The following ERC1 variants were observed in gnomAD, a reference collection of about 807,000 sequenced individuals.
ERC1 encodes RAB6 interacting protein 2.
A neutral mutation model predicts 132.0 loss-of-function variants in ERC1; 56 were observed. The observed-to-expected ratio is 0.42, with a 90% CI of 0.34 to 0.53. The LOEUF (loss-of-function observed/expected upper bound fraction) is 0.53. ERC1 is among the 20% of genes least tolerant of loss of function. ERC1 has a pLI of 0.03. For missense variants in ERC1, 1,202 were observed against 1,349.9 expected (o/e 0.89, Z 1.72); for synonymous variants, 478 against 476.1 (o/e 1.00, Z -0.05).
chr12:1,400,177 C>T (rs2154386803), intron 16 of ERC1, among the ~76,000 whole-genome samples: 1 of 152,286 alleles, frequency 6.6e-6, no homozygotes, highest in South Asian at 2.1e-4. Context: ...ACGCATTTCC[C>T]TATTGGTGTT....
At chr12:1,394,612 T>A (rs1293483804) in intron 16 of ERC1, among the ~76,000 whole-genome samples, 1 of 152,082 alleles carries the variant, frequency 6.6e-6, no homozygotes, top group East Asian at 1.9e-4. Flanking sequence ...TGATAGTGAG[T>A]GAGTTCTCTT....
intron 14 of ERC1, among the ~76,000 whole-genome samples, chr12:1,277,426 C>T (rs756533212): frequency 2.5e-4 from 38 of 152,248 alleles, no homozygotes; most frequent in Non-Finnish European, 4.4e-4. Flanking sequence ...TCATCTTTCC[C>T]GGACTTGGAA....
intron 10 of ERC1, 87 bp from the exon 11 acceptor site, chr12:1,183,194 A>G: frequency 1.2e-6 from 1 of 846,382 alleles, no homozygotes; most frequent in Non-Finnish European, 1.7e-6. Context: ...AATAGAAAGG[A>G]AATTACAGCT....
At chr12:1,095,263 C>T (rs1200821192) in intron 3 of ERC1, among the ~76,000 whole-genome samples, 2 of 151,938 alleles carry the variant, frequency 1.3e-5, no homozygotes, top group Non-Finnish European at 2.9e-5. Context: ...AATGCCGTCT[C>T]TACTAAAAAT....
Position 1,083,267 on chromosome 12 carries a change from G to GTGT in ERC1, c.774_776dup (p.Val259dup), listed in dbSNP as rs1942491855. On this transcript the variant is annotated inframe_insertion, in exon 3 of 19. Coordinates refer to ENST00000360905, the MANE Select transcript of ERC1 (RefSeq NM_178040.4). ...AGTAGCAGCAGGACTGGCGAACCTT[G>GTGT]TGTAGCAGAGCTGACAGAGGAGAAC... is the stretch of plus-strand genomic sequence containing the variant. 4 of 1,614,110 alleles carry GTGT rather than the reference G, an allele frequency of 2.5e-6. No homozygotes were observed. Among genetic ancestry groups the GTGT allele is most frequent in the Non-Finnish European group, 3.4e-6 (4 of 1,180,050 alleles).
chr12:1,068,730 T>C (rs918241235), intron 2 of ERC1, among the ~76,000 whole-genome samples: 2 of 152,244 alleles, frequency 1.3e-5, no homozygotes, highest in African/African-American at 2.4e-5. Flanking sequence ...CGATTGCTTA[T>C]CAATTTGGTT....
At chr12:1,393,630 G>A (rs1230734454) in intron 16 of ERC1, among the ~76,000 whole-genome samples, 3 of 150,918 alleles carry the variant, frequency 2.0e-5, no homozygotes, top group Non-Finnish European at 4.4e-5. Flanking sequence ...GTGTGTGTGT[G>A]TGTGTGTGTG....
intron 14 of ERC1, among the ~76,000 whole-genome samples, chr12:1,285,863 C>T (rs576984432): frequency 7.9e-5 from 12 of 152,264 alleles, no homozygotes; most frequent in African/African-American, 2.6e-4. Flanking sequence ...TTAGGCCTGT[C>T]TCAATCCTGA....
chr12:1,254,049 G>A (rs1436156308), intron 13 of ERC1, among the ~76,000 whole-genome samples: 1 of 152,170 alleles, frequency 6.6e-6, no homozygotes, highest in Non-Finnish European at 1.5e-5. Context: ...TGTGAGGCTG[G>A]CAAAAGTAGG....
chr12:1,373,199 C>T (rs534772734), intron 16 of ERC1, among the ~76,000 whole-genome samples: 1 of 152,280 alleles, frequency 6.6e-6, no homozygotes, highest in African/African-American at 2.4e-5. Context: ...GAAAGACATC[C>T]GTCCAGTAGT....
chr12:1,335,384 T>C (rs1490776325), intron 15 of ERC1, among the ~76,000 whole-genome samples: 2 of 152,222 alleles, frequency 1.3e-5, no homozygotes, highest in Non-Finnish European at 2.9e-5. Flanking sequence ...GTGGCTCTTA[T>C]TATTTTGAGG....
At chr12:1,372,069 TGTTTC>T in intron 16 of ERC1, 92 bp downstream of exon 16, 1 of 1,395,548 alleles carries the variant, frequency 7.2e-7, no homozygotes, top group Non-Finnish European at 9.5e-7. Context: ...TAAGGTCTCA[TGTTTC>T]ATATTAGACA....
intron 2 of ERC1, among the ~76,000 whole-genome samples, chr12:1,071,287 G>C (rs924577138): frequency 6.6e-6 from 1 of 152,218 alleles, no homozygotes; most frequent in African/African-American, 2.4e-5. Flanking sequence ...GCAGTTTTCA[G>C]TGTTGCTTCT....
intron 16 of ERC1, among the ~76,000 whole-genome samples, chr12:1,383,784 G>GAA (rs2088993508): frequency 6.6e-6 from 1 of 152,188 alleles, no homozygotes; most frequent in African/African-American, 2.4e-5. Context: ...TGACTTTCTG[G>GAA]AAAACAGTAT....
At chr12:1,423,026 A>C (rs2092484519) in intron 17 of ERC1, among the ~76,000 whole-genome samples, 1 of 152,216 alleles carries the variant, frequency 6.6e-6, no homozygotes, top group African/African-American at 2.4e-5. Flanking sequence ...AGGCTAAGGC[A>C]GCTCCAATGC....
intron 2 of ERC1, among the ~76,000 whole-genome samples, chr12:1,067,926 CTTTT>C (rs71441641): frequency 5.0e-5 from 6 of 120,942 alleles, no homozygotes; most frequent in Non-Finnish European, 5.0e-5. Flanking sequence ...TTAGCCACTG[CTTTT>C]TTTTTTTTTT....
intron 14 of ERC1, among the ~76,000 whole-genome samples, chr12:1,282,245 T>C (rs371959924): frequency 2.0e-5 from 3 of 152,092 alleles, no homozygotes; most frequent in African/African-American, 7.2e-5. Flanking sequence ...ACTACTCAGC[T>C]TGGAATCCTA....
At position 1,479,447 on chromosome 12, in the gene ERC1, A is replaced by G. The variant is rs559723734; in HGVS notation, c.3214-10646A>G. Among the ~76,000 whole-genome samples the G allele has an allele frequency of 4.6e-5, 7 of 152,250 alleles. No individual in the cohort carries two copies. In the South Asian group the frequency reaches 1.2e-3, roughly 27 times the overall value. ...CATTTAAGACATTTTAACTTCTCCA[A>G]ATATTTTATGGTTTCAATATAGAGG... is the stretch of plus-strand genomic sequence containing the variant. On this transcript the variant is annotated intron_variant, in intron 18 of 18. Transcript: ENST00000360905.
chr12:1,085,198 C>G lies in ERC1; in HGVS notation c.1086+1618C>G, dbSNP rs1434366191. Among the ~76,000 whole-genome samples, 2 of 11,388 alleles carry G rather than the reference C, an allele frequency of 1.8e-4. 1 individual carries two copies. The highest frequency in any genetic ancestry group is 6.8e-4 in the African/African-American group (2 of 2,944). 7.5% of individuals were successfully genotyped at this position (11,388 alleles called of 152,430 possible). Reference sequence around the variant, plus strand: ...TGAGATTACAGGCAATATGCCTATGCCTGGCCCATTATTATTATTATTGTT... The same window carrying G: ...TGAGATTACAGGCAATATGCCTATGGCTGGCCCATTATTATTATTATTGTT... On this transcript the variant is annotated intron_variant, in intron 3 of 18. Transcript: ENST00000360905.
Sources: gnomAD v4.1 joint callset for allele counts (sites outside exome capture counted in the v4.1 genomes callset) on GRCh38, gnomAD v4.1.1 for gene constraint, MANE v1.5 for transcripts, NCBI Gene and HGNC (gene_info 2026-07-23, HGNC 2026-07-21) for gene names.